Variants in ANO2 observed in about 807,000 individuals in gnomAD.
The protein encoded by ANO2 is anoctamin-2.
Under a neutral mutation model 124.2 loss-of-function variants are expected in ANO2, and 101 were observed. The observed-to-expected ratio is 0.81, with a 90% CI of 0.69 to 0.96. The LOEUF (loss-of-function observed/expected upper bound fraction) is 0.96. Ranked by LOEUF, ANO2 falls within the 40% of genes least tolerant of loss-of-function variation. The pLI is 0.00. For missense variants in ANO2, 1,293 were observed against 1,274.5 expected (o/e 1.01, Z -0.22); for synonymous variants, 486 against 482.5 (o/e 1.01, Z -0.09).
intron 17 of ANO2, among the ~76,000 whole-genome samples, chr12:5,614,438 G>A (rs1293979923): frequency 6.6e-6 from 1 of 152,192 alleles, no homozygotes; most frequent in Non-Finnish European, 1.5e-5. Context: ...GGGCATTGGA[G>A]ATCGAGTTCA....
chr12:5,602,428 A>C (rs1478465198), intron 19 of ANO2, among the ~76,000 whole-genome samples: 2 of 151,218 alleles, frequency 1.3e-5, no homozygotes, highest in Admixed American at 1.3e-4. Flanking sequence ...TATTTTTTGT[A>C]TTTTTAGTAA....
intron 1 of ANO2, among the ~76,000 whole-genome samples, chr12:5,936,792 G>C (rs561350282): frequency 2.6e-5 from 4 of 152,076 alleles, no homozygotes; most frequent in East Asian, 3.9e-4. Flanking sequence ...GATTCACTTT[G>C]AGTTAATTTT....
intron 1 of ANO2, among the ~76,000 whole-genome samples, chr12:5,943,344 A>T (rs1003745600): frequency 6.6e-6 from 1 of 151,916 alleles, no homozygotes; most frequent in Non-Finnish European, 1.5e-5. Flanking sequence ...AAGAAACAAA[A>T]TAAGTCTTTT....
intron 10 of ANO2, among the ~76,000 whole-genome samples, chr12:5,758,348 C>T (rs1286704763): frequency 6.6e-6 from 1 of 152,188 alleles, no homozygotes. Context: ...TTCTAAGAAA[C>T]CGTCATTTCT....
chr12:5,726,974 C>T (rs1950465668), intron 14 of ANO2, among the ~76,000 whole-genome samples: 1 of 152,112 alleles, frequency 6.6e-6, no homozygotes, highest in Admixed American at 6.5e-5. Flanking sequence ...CCCCGGGGTC[C>T]TTATATATGG....
chr12:5,729,794 A>G (rs1169382852), intron 14 of ANO2, among the ~76,000 whole-genome samples: 1 of 152,194 alleles, frequency 6.6e-6, no homozygotes, highest in African/African-American at 2.4e-5. Flanking sequence ...AATAAAATGA[A>G]GCAGATCCAC....
chr12:5,606,977 T>C (rs1350748958), intron 19 of ANO2, among the ~76,000 whole-genome samples: 1 of 152,178 alleles, frequency 6.6e-6, no homozygotes, highest in Non-Finnish European at 1.5e-5. Context: ...ATAAATCTTT[T>C]AATTGTAAAT....
chr12:5,881,686 C>T (rs1938513792), intron 3 of ANO2: 1 of 152,108 alleles, frequency 6.6e-6, no homozygotes, highest in Non-Finnish European at 1.5e-5. Context: ...TTATGGACCC[C>T]CAGCCCCCCA....
In ANO2 at chr12:5,830,480, G is replaced by A. The variant is rs1954115889; in HGVS notation, c.795C>T (p.Ile265=). Residue 265 remains isoleucine, a synonymous_variant, in exon 6 of 25, where the codon ATC becomes ATT. Coordinates refer to ENST00000682330, the MANE Select transcript of ANO2 (RefSeq NM_001364791.2). ...TATCAAAGAAGGTGTCCTTTTCCTG[G>A]ATGTTGTACCTGGAGACACCAAGAG... ...FSREKMYLYN[I]QEKDTFFDNA... 2.5e-6 allele frequency: 4 copies of A among 1,611,960 alleles called. No homozygotes were observed. The East Asian group carries it at 8.9e-5, about 36-fold the overall frequency.
At chr12:5,723,279 C>T (rs1236932831) in intron 14 of ANO2, among the ~76,000 whole-genome samples, 1 of 152,198 alleles carries the variant, frequency 6.6e-6, no homozygotes, top group Non-Finnish European at 1.5e-5. Context: ...CTGGCTCTCC[C>T]TTTGGTGGTT....
intron 19 of ANO2, chr12:5,608,666 T>C (rs1257039095): frequency 6.6e-6 from 1 of 152,244 alleles, no homozygotes; most frequent in Non-Finnish European, 1.5e-5. Context: ...TGCCATTGTT[T>C]AAAGGGTGGC....
chr12:5,831,551 T>A (rs1177062121), intron 5 of ANO2, among the ~76,000 whole-genome samples: 1 of 152,154 alleles, frequency 6.6e-6, no homozygotes, highest in African/African-American at 2.4e-5. Context: ...GACTTTGGTA[T>A]CTATAATAGA....
chr12:5,778,698 T>C (rs1458201236), intron 10 of ANO2, among the ~76,000 whole-genome samples: 1 of 152,190 alleles, frequency 6.6e-6, no homozygotes, highest in East Asian at 1.9e-4. Flanking sequence ...CAAGACCAGT[T>C]CCACATGAAA....
intron 3 of ANO2, among the ~76,000 whole-genome samples, chr12:5,858,306 C>T (rs1051984068): frequency 3.3e-5 from 5 of 152,242 alleles, no homozygotes; most frequent in African/African-American, 1.2e-4. Flanking sequence ...TGTACAGTTA[C>T]ATCAACTAAA....
intron 3 of ANO2, among the ~76,000 whole-genome samples, chr12:5,909,693 GC>G (rs1940924753): frequency 6.6e-6 from 1 of 152,192 alleles, no homozygotes; most frequent in South Asian, 2.1e-4. Context: ...ATCATCCCGT[GC>G]CCCACAAGTG....
At position 5,726,528 on chromosome 12, in the gene ANO2, G is replaced by A. The variant is rs554996911; in HGVS notation, c.1545+5992C>T. On this transcript the variant is annotated intron_variant, in intron 14 of 24. Transcript: ENST00000682330. Reference sequence around the variant, plus strand: ...GCATTGCTTTTGAGTCAGACTGCCTGGCTTCGACTCTGGCTCTGCCATGTA... The same window carrying A: ...GCATTGCTTTTGAGTCAGACTGCCTAGCTTCGACTCTGGCTCTGCCATGTA... Among the ~76,000 whole-genome samples the A allele has an allele frequency of 3.9e-5, 6 of 152,260 alleles. No individual in the cohort carries two copies. In the South Asian group the frequency reaches 8.3e-4, roughly 21 times the overall value.
intron 11 of ANO2, among the ~76,000 whole-genome samples, chr12:5,747,149 C>T (rs562217301): frequency 3.7e-4 from 57 of 152,332 alleles, no homozygotes; most frequent in Non-Finnish European, 7.2e-4. Context: ...CTGGGCCCCT[C>T]TGTACTATCT....
In ANO2 at chr12:5,806,113, C is replaced by A; in HGVS notation, c.949-20G>T. The A allele has an allele frequency of 6.2e-7, 1 of 1,609,896 alleles. No homozygotes were observed. Among genetic ancestry groups the A allele is most frequent in the Non-Finnish European group, 8.5e-7 (1 of 1,178,304 alleles). ...TTCACCCTGTGGAGAAAAAGTGATG[C>A]TGGATAAAGCCAATGAAATTACCAG... On this transcript the variant is annotated intron_variant, in intron 8 of 24. Coordinates refer to ENST00000682330, the MANE Select transcript of ANO2 (RefSeq NM_001364791.2).
At chr12:5,681,263 T>C (rs1324556965) in intron 14 of ANO2, among the ~76,000 whole-genome samples, 1 of 152,240 alleles carries the variant, frequency 6.6e-6, no homozygotes. Context: ...TTCCGCTATG[T>C]GGTCTCAGTG....
Sources: gnomAD v4.1 joint callset for allele counts (sites outside exome capture counted in the v4.1 genomes callset) on GRCh38, gnomAD v4.1.1 for gene constraint, MANE v1.5 for transcripts, NCBI Gene and HGNC (gene_info 2026-07-23, HGNC 2026-07-21) for gene names.